PDGFA: variants seen among roughly 807,000 people sequenced by gnomAD.
PDGFA encodes the protein platelet derived growth factor subunit A, also known as platelet-derived growth factor subunit A.
Under a neutral mutation model 25.6 loss-of-function variants are expected in PDGFA, and 9 were observed. The observed-to-expected ratio is 0.35, with a 90% confidence interval of 0.21 to 0.61. The LOEUF is 0.61. PDGFA is among the 20% of genes least tolerant of loss of function. PDGFA has a pLI of 0.75. For missense variants in PDGFA, 242 were observed against 272.8 expected (o/e 0.89, Z 0.79); for synonymous variants, 133 against 111.8 (o/e 1.19, Z -1.20).
chr7:498,384 C>T (rs924873602), exon 6 of PDGFA: 1 of 612,768 alleles, frequency 1.6e-6, no homozygotes, highest in Non-Finnish European at 3.0e-6. Context: ...ACAATACTTG[C>T]TTTGATGTCA....
exon 6 of PDGFA, chr7:497,762 T>G (rs951689884): frequency 1.3e-5 from 2 of 150,812 alleles, no homozygotes; most frequent in African/African-American, 4.9e-5. Flanking sequence ...ATGTTTATTT[T>G]AATACATCTC....
chr7:498,236 G>C (rs545317036), exon 6 of PDGFA: 1 of 361,972 alleles, frequency 2.8e-6, no homozygotes. Context: ...TCCATCCCAC[G>C]GGGCGACCCT....
At chr7:511,955 G>A (rs948698844) in intron 3 of PDGFA, among the ~76,000 whole-genome samples, 10 of 152,218 alleles carry the variant, frequency 6.6e-5, no homozygotes, top group Non-Finnish European at 1.0e-4. Flanking sequence ...AGCAGCCGGC[G>A]CAGGAGCACG....
At chr7:507,858 G>A (rs1473292189) in intron 4 of PDGFA, among the ~76,000 whole-genome samples, 1 of 152,176 alleles carries the variant, frequency 6.6e-6, no homozygotes, top group African/African-American at 2.4e-5. Context: ...CTGGAGGCCT[G>A]AGTTAGGCCC....
exon 1 of PDGFA, chr7:519,116 G>T: frequency 1.4e-6 from 1 of 718,368 alleles, no homozygotes; most frequent in Non-Finnish European, 2.1e-6. Flanking sequence ...GCGGCCCGGA[G>T]GAGGGTGGCG....
At chr7:518,857 G>T in intron 1 of PDGFA, 82 bp downstream of exon 1, 2 of 921,724 alleles carry the variant, frequency 2.2e-6, no homozygotes, top group Non-Finnish European at 1.6e-6. Context: ...AACGCTCTCT[G>T]CAGAGCCCGT....
chr7:502,939 CA>C (rs1310387303), intron 4 of PDGFA, among the ~76,000 whole-genome samples: 1 of 152,216 alleles, frequency 6.6e-6, no homozygotes, highest in East Asian at 1.9e-4. Flanking sequence ...GTAATGTACA[CA>C]GGGGCCCCAT....
Position 500,545 on chromosome 7 carries a change from T to C in PDGFA, c.580+571A>G, listed in dbSNP as rs1321598722. ...CGGTGAGTGGGCCGAGGGACGGCCG[T>C]CGGGGTGAAGAACTGAAGCAACAAA... is the stretch of plus-strand genomic sequence containing the variant. On this transcript the variant is annotated intron_variant, in intron 5 of 5. Transcript: ENST00000402802. This position sits in a 1 kb window ranked among gnomAD's most constrained non-coding sequence, Gnocchi z 5.0. 1 of 1,613,052 alleles carries C rather than the reference T, an allele frequency of 6.2e-7. No individual in the cohort carries two copies. Among genetic ancestry groups the C allele is most frequent in the Non-Finnish European group, 8.5e-7 (1 of 1,179,884 alleles).
chr7:509,056 G>A (rs1020686802), intron 4 of PDGFA, among the ~76,000 whole-genome samples: 2 of 152,180 alleles, frequency 1.3e-5, no homozygotes, highest in African/African-American at 4.8e-5. Flanking sequence ...AGGTCTCTGG[G>A]CACACTTCCC....
intron 4 of PDGFA, among the ~76,000 whole-genome samples, chr7:503,716 C>T (rs1379300482): frequency 5.3e-5 from 8 of 152,166 alleles, no homozygotes; most frequent in South Asian, 2.1e-4. Context: ...TAATGGTTAA[C>T]CCACAGTGCA....
At chr7:497,543 C>G (rs985777469) in exon 6 of PDGFA, 1 of 152,120 alleles carries the variant, frequency 6.6e-6, no homozygotes, top group Non-Finnish European at 1.5e-5. Context: ...TCTCACGTGC[C>G]GCGTGGGAAC....
intron 4 of PDGFA, among the ~76,000 whole-genome samples, chr7:502,688 C>T (rs750988376): frequency 6.6e-6 from 1 of 152,022 alleles, no homozygotes; most frequent in Admixed American, 6.5e-5. Flanking sequence ...CAGCCCCTTC[C>T]CCGGGGAGCT....
chr7:510,444 G>A (rs1257150487), intron 4 of PDGFA, among the ~76,000 whole-genome samples: 2 of 150,930 alleles, frequency 1.3e-5, no homozygotes, highest in African/African-American at 4.9e-5. Flanking sequence ...AGTGTTGGAT[G>A]CGTGAGGGAC....
At chr7:510,884 C>A in exon 4 of PDGFA, 3 of 1,612,214 alleles carry the variant, frequency 1.9e-6, no homozygotes, top group Non-Finnish European at 2.5e-6. Flanking sequence ...TGCAGCGTTT[C>A]ACCTCCACGC....
intron 2 of PDGFA, chr7:512,674 C>G (rs1782908720): frequency 1.3e-6 from 2 of 1,487,104 alleles, no homozygotes; most frequent in Non-Finnish European, 1.8e-6. Flanking sequence ...CTGGAAACCG[C>G]AGAAAACGCC....
chr7:500,783 C>G lies in PDGFA; in HGVS notation c.580+333G>C, dbSNP rs1263336964. ...AACCTGCTCCTCCCGCCCACCCTGG[C>G]AGGAGGCCCTTCTGCAGATTCTTCT... On this transcript the variant is annotated intron_variant, in intron 5 of 5. Transcript: ENST00000402802. The surrounding 1 kb of genome is among the most constrained non-coding windows in gnomAD (Gnocchi z 5.0). The G allele has an allele frequency of 9.0e-6, 13 of 1,443,102 alleles. No individual in the cohort carries two copies. Among genetic ancestry groups the G allele is most frequent in the Non-Finnish European group, 1.1e-5 (12 of 1,099,780 alleles). 89.4% of individuals were successfully genotyped at this position (1,443,102 alleles called of 1,614,324 possible).
At chr7:516,960 C>T (rs963183253) in intron 2 of PDGFA, among the ~76,000 whole-genome samples, 7 of 151,660 alleles carry the variant, frequency 4.6e-5, no homozygotes, top group African/African-American at 1.7e-4. Flanking sequence ...GGGCCGCCTC[C>T]GCCCGCCCGC....
rs1554276257 is a variant in PDGFA at position 517,463 on chromosome 7, C to T, written c.91G>A (p.Glu31Lys). ...TGGATCTGACTGCGGGCCAGCCTCTCGATCACCTCGCGGGGGATCTCGGCT... is the reference window on the plus strand; with the variant it reads ...TGGATCTGACTGCGGGCCAGCCTCTTGATCACCTCGCGGGGGATCTCGGCT... Residue 31 changes from glutamate to lysine, a missense_variant, in exon 2 of 6, where the codon GAG (glutamate) becomes AAG (lysine). Transcript: ENST00000402802. The surrounding 1 kb of genome is among the most constrained non-coding windows in gnomAD (Gnocchi z 7.4). The T allele has an allele frequency of 1.5e-6, 2 of 1,373,448 alleles. No homozygotes were observed. The highest frequency in any genetic ancestry group is 1.6e-5 in the South Asian group (1 of 64,458). The allele number at this position is 1,373,448 out of a possible 1,614,324, so 85.1% of individuals were successfully genotyped here.
At chr7:513,157 G>A (rs1477412415) in intron 2 of PDGFA, 4 of 155,616 alleles carry the variant, frequency 2.6e-5, no homozygotes, top group Non-Finnish European at 5.7e-5. Flanking sequence ...GACAGAGGGA[G>A]GCGGCCTGCG....
Sources: gnomAD v4.1 joint callset for allele counts (sites outside exome capture counted in the v4.1 genomes callset) on GRCh38, gnomAD v4.1.1 for gene constraint, Gnocchi (gnomAD v3.1) non-coding constraint, MANE v1.5 for transcripts, NCBI Gene and HGNC (gene_info 2026-07-23, HGNC 2026-07-21) for gene names.